Variants in CHST15 observed in about 807,000 individuals in gnomAD.
The protein encoded by CHST15 is B cell RAG associated protein (GALNAC4S-6ST).
In CHST15, 30 loss-of-function variants were observed where a neutral mutation model predicts 53.6. The observed-to-expected ratio is 0.56, with a 90% CI of 0.42 to 0.76. The LOEUF is 0.76. Among genes scored for constraint, CHST15 ranks in the 30% least tolerant of loss-of-function variants. The probability of loss-of-function intolerance (pLI) is 0.00; values close to 1 mark genes in which losing one functional copy is unlikely to be tolerated. For missense variants in CHST15, 627 were observed against 740.5 expected (o/e 0.85, Z 1.78); for synonymous variants, 296 against 289.8 (o/e 1.02, Z -0.22).
chr10:124,042,787 G>A (rs1947792856), intron 3 of CHST15, among the ~76,000 whole-genome samples: 1 of 152,170 alleles, frequency 6.6e-6, no homozygotes, highest in Admixed American at 6.5e-5. Flanking sequence ...GTGCACAGGT[G>A]GGACTCGTAA....
At chr10:124,089,613 C>T (rs1436977333) in intron 1 of CHST15, among the ~76,000 whole-genome samples, 3 of 152,172 alleles carry the variant, frequency 2.0e-5, no homozygotes, top group Admixed American at 1.3e-4. Flanking sequence ...ACCTGAGCAT[C>T]CCCTGTTCAG....
At chr10:124,059,081 T>C (rs938917673) in intron 1 of CHST15, among the ~76,000 whole-genome samples, 2 of 152,232 alleles carry the variant, frequency 1.3e-5, no homozygotes, top group African/African-American at 4.8e-5. Flanking sequence ...AGGCCTAGGC[T>C]GAACACCGGC....
rs183933326 is a variant in CHST15, at chr10:124,082,087, A to T, written c.-513+11382T>A. On this transcript the variant is annotated intron_variant, in intron 1 of 7. Coordinates refer to ENST00000435907, the MANE Select transcript of CHST15 (RefSeq NM_001270764.2). ...AGATGTTCTGGGCCTCGGACATCAG[A>T]TGGACATTGGATGGACAGACAGATG... Among the ~76,000 whole-genome samples the T allele has an allele frequency of 3.3e-5, 5 of 152,250 alleles. No homozygotes were observed. In the East Asian group the frequency reaches 9.7e-4, roughly 29 times the overall value.
intron 5 of CHST15, among the ~76,000 whole-genome samples, chr10:124,031,892 C>T (rs1026127231): frequency 6.6e-6 from 1 of 152,146 alleles, no homozygotes; most frequent in Admixed American, 6.5e-5. Context: ...GGTTCCAATG[C>T]CTGTGTTCCT....
chr10:124,047,458 CT>C (rs1229695945), intron 1 of CHST15, among the ~76,000 whole-genome samples: 9 of 152,184 alleles, frequency 5.9e-5, no homozygotes, highest in Non-Finnish European at 1.2e-4. Flanking sequence ...AGATATGATT[CT>C]TAAAAACCCA....
chr10:124,012,321 C>G lies in CHST15; in HGVS notation c.1495+12G>C. 1 of 1,612,278 alleles carries G rather than the reference C, an allele frequency of 6.2e-7. No individual in the cohort carries two copies. Among genetic ancestry groups the G allele is most frequent in the East Asian group, 2.2e-5 (1 of 44,842 alleles). On this transcript the variant is annotated intron_variant, in intron 7 of 7. Transcript: ENST00000435907. ...ATGCTTTGGCCCGTCAGTCTAAGCACCACACTCATACCTAGGTTCAGAAAC... is the reference window on the plus strand; with the variant it reads ...ATGCTTTGGCCCGTCAGTCTAAGCAGCACACTCATACCTAGGTTCAGAAAC...
At chr10:124,027,492 G>T (rs1434151699) in intron 5 of CHST15, among the ~76,000 whole-genome samples, 1 of 152,204 alleles carries the variant, frequency 6.6e-6, no homozygotes, top group Admixed American at 6.5e-5. Flanking sequence ...GTGCTGTTCT[G>T]AGCCAGCGAG....
At chr10:124,091,691 C>T (rs1949603718) in intron 1 of CHST15, among the ~76,000 whole-genome samples, 1 of 152,268 alleles carries the variant, frequency 6.6e-6, no homozygotes, top group African/African-American at 2.4e-5. Flanking sequence ...TTAACTTAAC[C>T]AACGTGAACA....
intron 5 of CHST15, among the ~76,000 whole-genome samples, chr10:124,033,576 A>T (rs1947309564): frequency 6.6e-6 from 1 of 152,250 alleles, no homozygotes; most frequent in Non-Finnish European, 1.5e-5. Context: ...CACACTCATG[A>T]CTAGGTTAGA....
rs150966277 is a variant in CHST15 at position 124,078,872 on chromosome 10, C to G, written c.-513+14597G>C. 1.6e-4 allele frequency among the ~76,000 whole-genome samples: 24 copies of G among 152,218 alleles called. No homozygotes were observed. In the East Asian group the frequency reaches 4.4e-3, roughly 28 times the overall value. On this transcript the variant is annotated intron_variant, in intron 1 of 7. Transcript: ENST00000435907. ...TCTGAGGGTTGCATAAGATGTTCTC[C>G]CTGTGGGAAGCTGAGTGAAGGGTAC...
Position 124,038,900 on chromosome 10 carries a change from C to T in CHST15, c.1034-229G>A, listed in dbSNP as rs192443806. On this transcript the variant is annotated intron_variant, in intron 4 of 7. Coordinates refer to ENST00000435907, the MANE Select transcript of CHST15 (RefSeq NM_001270764.2). ...CCCCAAAAACTTCTGTCTGGAAGTC[C>T]AGGCGATCCATGCAACACTGAGTGC... 6.2e-3 allele frequency among the ~76,000 whole-genome samples: 948 copies of T among 152,158 alleles called. 8 individuals are homozygous for T. Among genetic ancestry groups the T allele is most frequent in the Non-Finnish European group, 7.1e-3 (483 of 67,996 alleles).
At chr10:124,023,676 A>C (rs1407339267) in intron 5 of CHST15, among the ~76,000 whole-genome samples, 1 of 151,860 alleles carries the variant, frequency 6.6e-6, no homozygotes, top group Non-Finnish European at 1.5e-5. Context: ...CTTATGAAAA[A>C]CATGGCCTAC....
chr10:124,066,738 A>T (rs964660013), intron 1 of CHST15, among the ~76,000 whole-genome samples: 3 of 152,162 alleles, frequency 2.0e-5, no homozygotes, highest in African/African-American at 7.2e-5. Context: ...TCATCTTAGG[A>T]TGGGGGCACC....
chr10:124,023,444 C>T (rs553354622), intron 5 of CHST15, among the ~76,000 whole-genome samples: 1 of 151,038 alleles, frequency 6.6e-6, no homozygotes, highest in Admixed American at 6.6e-5. Flanking sequence ...GTGATCATGC[C>T]ATTGCACTCC....
At chr10:124,069,919 G>C (rs549538911) in intron 1 of CHST15, among the ~76,000 whole-genome samples, 36 of 152,356 alleles carry the variant, frequency 2.4e-4, no homozygotes, top group African/African-American at 7.7e-4. Flanking sequence ...CAAGATGGGA[G>C]TTCCCCTGAA....
chr10:124,056,769 G>C (rs181079432), intron 1 of CHST15, among the ~76,000 whole-genome samples: 18 of 151,002 alleles, frequency 1.2e-4, no homozygotes, highest in African/African-American at 3.9e-4. Context: ...GCCCAGGCCC[G>C]TACGACCGGA....
rs145822225 is a variant in CHST15, at chr10:124,056,752, C to T, written c.-512-10028G>A. On this transcript the variant is annotated intron_variant, in intron 1 of 7. Transcript: ENST00000435907. Reference sequence around the variant, plus strand: ...AGCCTGGGCTGTGTGCAGTTGGACACGCTGCGGCCCAGGCCCGTACGACCG... The same window carrying T: ...AGCCTGGGCTGTGTGCAGTTGGACATGCTGCGGCCCAGGCCCGTACGACCG... Among the ~76,000 whole-genome samples the T allele has an allele frequency of 6.8e-3, 1,039 of 152,300 alleles. 7 individuals are homozygous for T. Among genetic ancestry groups the T allele is most frequent in the Non-Finnish European group, 0.011 (773 of 68,038 alleles).
intron 2 of CHST15, 134 bp downstream of exon 2, chr10:124,045,533 G>T: frequency 1.1e-6 from 1 of 918,364 alleles, no homozygotes; most frequent in Non-Finnish European, 1.7e-6. Context: ...CCATAAGGCT[G>T]TCAAATGATC....
chr10:124,079,070 C>T (rs1199995817), intron 1 of CHST15, among the ~76,000 whole-genome samples: 1 of 152,168 alleles, frequency 6.6e-6, no homozygotes, highest in African/African-American at 2.4e-5. Context: ...ACTCATGTGA[C>T]TTGGGAAGAG....
Sources: allele counts gnomAD v4.1 joint callset (sites outside exome capture counted in the v4.1 genomes callset), GRCh38; gene constraint gnomAD v4.1.1; transcripts MANE v1.5; gene names NCBI Gene and HGNC (gene_info 2026-07-23, HGNC 2026-07-21).